The following ZNF703 variants were observed in gnomAD, a reference collection of about 807,000 sequenced individuals.
The protein encoded by ZNF703 is NocA-like zinc finger 1.
Under a neutral mutation model 30.7 loss-of-function variants are expected in ZNF703, and 18 were observed. The ratio of observed to expected loss-of-function variants is 0.59; its 90% CI spans 0.40 to 0.87. The LOEUF is 0.87. ZNF703 is among the 40% of genes least tolerant of loss of function. The probability of loss-of-function intolerance (pLI) is 0.00; values close to 1 mark genes in which losing one functional copy is unlikely to be tolerated. For synonymous variants in ZNF703, 457 were observed against 438.6 expected, an observed-to-expected ratio of 1.04 and a Z score of -0.52; for missense variants, 814 against 847.8, an observed-to-expected ratio of 0.96 and a Z score of 0.50.
rs1018199608 is a variant in ZNF703, at chr8:37,698,200, C to A, written c.1299C>A (p.Ala433=). The part of the protein sequence containing the change: ...LQPAALSSSA[A]QAALPGHPLY... ...CCGCCGCGCTCTCGTCCAGCGCCGCCCAGGCCGCGCTCCCCGGCCACCCGC... is the reference window on the plus strand; with the variant it reads ...CCGCCGCGCTCTCGTCCAGCGCCGCACAGGCCGCGCTCCCCGGCCACCCGC... The change falls in exon 2 of 2, where the codon GCC becomes GCA. Residue 433 remains alanine (A), a synonymous_variant. Coordinates refer to ENST00000331569, the MANE Select transcript of ZNF703 (RefSeq NM_025069.3). The A allele has an allele frequency of 3.0e-5, 45 of 1,515,382 alleles. No individual in the cohort carries two copies. Among genetic ancestry groups the A allele is most frequent in the Non-Finnish European group, 3.7e-5 (42 of 1,138,484 alleles). The allele number at this position is 1,515,382 out of a possible 1,614,324, so 93.9% of individuals were successfully genotyped here.
rs1319945308 is a variant in ZNF703, at chr8:37,695,883, C to A, written c.-97C>A. On this transcript the variant is annotated 5_prime_UTR_variant, in exon 1 of 2. Transcript: ENST00000331569. ...AGGAGGCGCAGCTCCCGCTGCACCG[C>A]GATCGACGCTGCGGAGCGAGCCCAC... The A allele has an allele frequency of 1.7e-6, 2 of 1,188,180 alleles. No homozygotes were observed. The highest frequency in any genetic ancestry group is 3.3e-5 in the African/African-American group (2 of 61,210). 73.6% of individuals were successfully genotyped at this position (1,188,180 alleles called of 1,614,324 possible).
rs1802091876 is a variant in ZNF703, at chr8:37,697,509, C to T, written c.608C>T (p.Pro203Leu). 2.6e-6 allele frequency: 4 copies of T among 1,523,818 alleles called. No homozygotes were observed. The highest frequency in any genetic ancestry group is 3.5e-6 in the Non-Finnish European group (4 of 1,141,216). The allele number at this position is 1,523,818 out of a possible 1,614,324, so 94.4% of individuals were successfully genotyped here. The change falls in exon 2 of 2, where the codon CCC becomes CTC. Residue 203 changes from proline to leucine, a missense_variant. Coordinates refer to ENST00000331569, the MANE Select transcript of ZNF703 (RefSeq NM_025069.3). ...RVPSAACPPF[P>L]PHGAPVSASS... is the part of the protein sequence containing the mutation. ...CCCAGCGCCGCCTGCCCGCCCTTTCCCCCGCATGGAGCGCCGGTCTCCGCA... is the reference window on the plus strand; with the variant it reads ...CCCAGCGCCGCCTGCCCGCCCTTTCTCCCGCATGGAGCGCCGGTCTCCGCA...
At position 37,697,585 on chromosome 8, in the gene ZNF703, C is replaced by T. The variant is rs1370916858; in HGVS notation, c.684C>T (p.His228=). 6 of 1,442,968 alleles carry T rather than the reference C, an allele frequency of 4.2e-6. No individual in the cohort carries two copies. Among genetic ancestry groups the T allele is most frequent in the Non-Finnish European group, 5.4e-6 (6 of 1,104,484 alleles). The allele number at this position is 1,442,968 out of a possible 1,614,324, so 89.4% of individuals were successfully genotyped here. ...PGGSRGGSPH[H]SDCKNGGGVG... ...GCTCCCGCGGCGGCTCCCCGCACCA[C>T]TCTGACTGCAAGAACGGCGGCGGGG... The change falls in exon 2 of 2, where the codon CAC becomes CAT. Residue 228 remains histidine (H), a synonymous_variant. Coordinates refer to ENST00000331569, the MANE Select transcript of ZNF703 (RefSeq NM_025069.3).
rs540084351 is a variant in ZNF703 at position 37,698,244 on chromosome 8, T to C, written c.1343T>C (p.Met448Thr). Residue 448 changes from methionine (M) to threonine (T), a missense_variant, in exon 2 of 2, where the codon ATG (methionine) becomes ACG (threonine). By Grantham distance (81) the Met-to-Thr change is moderately conservative. Transcript: ENST00000331569. ...CACCCGCTCTACACCTACGGCTTCA[T>C]GCTGCAGAACGAACCGCTGCCGCAC... ...PGHPLYTYGF[M>T]LQNEPLPHSC... The C allele has an allele frequency of 3.1e-4, 480 of 1,538,938 alleles. 1 individual carries two copies. Among genetic ancestry groups the C allele is most frequent in the Admixed American group, 5.2e-4 (27 of 51,502 alleles).
Position 37,695,953 on chromosome 8 carries a change from C to G in ZNF703, c.-27C>G. The G allele has an allele frequency of 6.8e-7, 1 of 1,462,846 alleles. No individual in the cohort carries two copies. The highest frequency in any genetic ancestry group is 9.0e-7 in the Non-Finnish European group (1 of 1,105,096). The allele number at this position is 1,462,846 out of a possible 1,614,324, so 90.6% of individuals were successfully genotyped here. A position where few individuals can be genotyped will look rare whatever the true frequency, so the allele number is the denominator to read the frequency against. On this transcript the variant is annotated 5_prime_UTR_variant, in exon 1 of 2. Transcript: ENST00000331569. ...CCCCGGTGCTCCCCCGCCCTCCCCG[C>G]CCCCCCAGCGGCGCTGCCTCCTCCA...
At position 37,697,543 on chromosome 8, in the gene ZNF703, C is replaced by A; in HGVS notation, c.642C>A (p.Ser214=). The A allele has an allele frequency of 6.7e-7, 1 of 1,482,238 alleles. No homozygotes were observed. Among genetic ancestry groups the A allele is most frequent in the Non-Finnish European group, 8.9e-7 (1 of 1,121,704 alleles). 91.8% of individuals were successfully genotyped at this position (1,482,238 alleles called of 1,614,324 possible). A position where few individuals can be genotyped will look rare whatever the true frequency, so the allele number is the denominator to read the frequency against. Residue 214 remains serine, a synonymous_variant, in exon 2 of 2, where the codon TCC becomes TCA. Transcript: ENST00000331569. ...GAGCGCCGGTCTCCGCATCCTCGTC[C>A]TCGTCGTCGCCCGGCGGCTCCCGCG... ...PHGAPVSASS[S]SSSPGGSRGG...
Position 37,698,089 on chromosome 8 carries a change from C to T in ZNF703, c.1188C>T (p.Cys396=). The change falls in exon 2 of 2, where the codon TGC becomes TGT. Residue 396 remains cysteine, a synonymous_variant. Coordinates refer to ENST00000331569, the MANE Select transcript of ZNF703 (RefSeq NM_025069.3). ...HGASHLGGSS[C]STCSAHDPAG... is the part of the protein sequence containing the mutation. Reference sequence around the variant, plus strand: ...CCTCGCACCTCGGCGGCTCCAGCTGCTCCACCTGCAGCGCGCACGACCCTG... The same window carrying T: ...CCTCGCACCTCGGCGGCTCCAGCTGTTCCACCTGCAGCGCGCACGACCCTG... 6.5e-7 allele frequency: 1 copy of T among 1,539,272 alleles called. No homozygotes were observed. Among genetic ancestry groups the T allele is most frequent in the Non-Finnish European group, 8.7e-7 (1 of 1,149,268 alleles).
Position 37,697,515 on chromosome 8 carries a change from A to T in ZNF703, c.614A>T (p.His205Leu). The T allele has an allele frequency of 2.6e-6, 4 of 1,520,922 alleles. No homozygotes were observed. Among genetic ancestry groups the T allele is most frequent in the Non-Finnish European group, 3.5e-6 (4 of 1,139,734 alleles). 94.2% of individuals were successfully genotyped at this position (1,520,922 alleles called of 1,614,324 possible). A position where few individuals can be genotyped will look rare whatever the true frequency, so the allele number is the denominator to read the frequency against. ...GCCGCCTGCCCGCCCTTTCCCCCGC[A>T]TGGAGCGCCGGTCTCCGCATCCTCG... is the stretch of plus-strand genomic sequence containing the variant. ...PSAACPPFPP[H>L]GAPVSASSSS... Residue 205 changes from histidine to leucine, a missense_variant, in exon 2 of 2, where the codon CAT (histidine) becomes CTT (leucine). His to Leu is a moderately conservative substitution (Grantham distance 99, BLOSUM62 -3). Transcript: ENST00000331569.
chr8:37,698,463 C>G lies in ZNF703; in HGVS notation c.1562C>G (p.Pro521Arg). Residue 521 changes from proline to arginine, a missense_variant, in exon 2 of 2, where the codon CCC becomes CGC. Coordinates refer to ENST00000331569, the MANE Select transcript of ZNF703 (RefSeq NM_025069.3). ...AAAASCHLHL[P>R]PPAAPGSPGS... is the part of the protein sequence containing the mutation. ...GCCGCCTCCTGCCATCTGCACCTCC[C>G]CCCGCCCGCCGCCCCCGGCAGCCCC... is the stretch of plus-strand genomic sequence containing the variant. 6.7e-7 allele frequency: 1 copy of G among 1,497,320 alleles called. No homozygotes were observed. Among genetic ancestry groups the G allele is most frequent in the East Asian group, 2.9e-5 (1 of 34,768 alleles). 92.8% of individuals were successfully genotyped at this position (1,497,320 alleles called of 1,614,324 possible).
Position 37,697,876 on chromosome 8 carries a change from C to T in ZNF703, c.975C>T (p.Gly325=), listed in dbSNP as rs1345781612. ...YHGSIVGAYA[G]YPSQFVPGLD... ...GCTCCATCGTGGGCGCCTACGCCGGCTACCCGTCTCAGTTCGTGCCTGGCC... is the reference window on the plus strand; with the variant it reads ...GCTCCATCGTGGGCGCCTACGCCGGTTACCCGTCTCAGTTCGTGCCTGGCC... The change falls in exon 2 of 2, where the codon GGC becomes GGT. Residue 325 remains glycine (G), a synonymous_variant. Transcript: ENST00000331569. The T allele has an allele frequency of 7.1e-6, 11 of 1,551,010 alleles. No homozygotes were observed. Among genetic ancestry groups the T allele is most frequent in the Middle Eastern group, 3.3e-4 (2 of 5,998 alleles).
rs1802136987 is a variant in ZNF703, at chr8:37,699,641, A to G, written c.*967A>G. 6.6e-6 allele frequency: 1 copy of G among 152,322 alleles called. No individual in the cohort carries two copies. Among genetic ancestry groups the G allele is most frequent in the South Asian group, 2.1e-4 (1 of 4,836 alleles). The allele number at this position is 152,322 out of a possible 1,614,324, so 9.4% of individuals were successfully genotyped here. On this transcript the variant is annotated 3_prime_UTR_variant, in exon 2 of 2. Coordinates refer to ENST00000331569, the MANE Select transcript of ZNF703 (RefSeq NM_025069.3). ...CGGCCCCTTACATTTTGCGAAGTGC[A>G]TTATAGTCCTTGTTTTTCTCTCCCT...
Position 37,696,037 on chromosome 8 carries a change from A to G in ZNF703, c.58A>G (p.Ser20Gly), listed in dbSNP as rs1563298371. Residue 20 changes from serine (S) to glycine (G), a missense_variant, in exon 1 of 2, where the codon AGC becomes GGC. Physicochemically the swap from Ser to Gly is moderately conservative, Grantham distance 56 (BLOSUM62 0). Coordinates refer to ENST00000331569, the MANE Select transcript of ZNF703 (RefSeq NM_025069.3). The surrounding 1 kb of genome is among the most constrained non-coding windows in gnomAD (Gnocchi z 8.2). Reference protein sequence around the residue: ...PRTPESSGSGSGGGGKRPAVP... With the variant: ...PRTPESSGSGGGGGGKRPAVP... ...GACACCCGAAAGCAGCGGCAGCGGC[A>G]GCGGCGGCGGCGGGAAGAGGCCGGC... 21 of 1,545,718 alleles carry G rather than the reference A, an allele frequency of 1.4e-5. 1 individual carries two copies. In the Middle Eastern group the frequency reaches 2.0e-3, roughly 149 times the overall value.
rs1229455234 is a variant in ZNF703 at position 37,697,940 on chromosome 8, T to C, written c.1039T>C (p.Ser347Pro). Residue 347 changes from serine to proline, a missense_variant, in exon 2 of 2, where the codon TCT (serine) becomes CCT (proline). By Grantham distance (74) the Ser-to-Pro change is moderately conservative. Transcript: ENST00000331569. ...SKSGLVGGQL[S>P]GGLGLPPGKP... is the part of the protein sequence containing the mutation. ...GTCCGGCCTCGTGGGAGGCCAGCTG[T>C]CTGGGGGCCTGGGCCTGCCGCCGGG... The C allele has an allele frequency of 1.9e-6, 3 of 1,555,026 alleles. No individual in the cohort carries two copies. The African/African-American group carries it at 4.1e-5, about 21-fold the overall frequency.
rs1248427153 is a variant in ZNF703 at position 37,696,382 on chromosome 8, C to A, written c.243+160C>A. ...GGGAAGAAAACCGAGGGATCAGAGC[C>A]CACCAGGGCTTCCCCAGGCTTCCCC... On this transcript the variant is annotated intron_variant, in intron 1 of 1. Coordinates refer to ENST00000331569, the MANE Select transcript of ZNF703 (RefSeq NM_025069.3). This position sits in a 1 kb window ranked among gnomAD's most constrained non-coding sequence, Gnocchi z 8.2. Among the ~76,000 whole-genome samples, 4 of 152,016 alleles carry A rather than the reference C, an allele frequency of 2.6e-5. No homozygotes were observed. The highest frequency in any genetic ancestry group is 5.9e-5 in the Non-Finnish European group (4 of 67,968).
chr8:37,696,203 C>T lies in ZNF703; in HGVS notation c.224C>T (p.Thr75Ile), dbSNP rs1585875186. 1 of 1,610,570 alleles carries T rather than the reference C, an allele frequency of 6.2e-7. No homozygotes were observed. The highest frequency in any genetic ancestry group is 8.5e-7 in the Non-Finnish European group (1 of 1,178,882). Residue 75 changes from threonine (T) to isoleucine (I), a missense_variant, in exon 1 of 2, where the codon ACT becomes ATT. Physicochemically the swap from Thr to Ile is moderately conservative, Grantham distance 89. Coordinates refer to ENST00000331569, the MANE Select transcript of ZNF703 (RefSeq NM_025069.3). The surrounding 1 kb of genome is among the most constrained non-coding windows in gnomAD (Gnocchi z 8.2). ...GAGTACCTGCAGCCGCTGTCCTCCA[C>T]TCCCGTCAGCCCCATTGAGGTCAGT... ...HPEYLQPLSS[T>I]PVSPIELDAK...
In ZNF703 at chr8:37,696,288, C is replaced by G; in HGVS notation, c.243+66C>G. 1 of 1,489,438 alleles carries G rather than the reference C, an allele frequency of 6.7e-7. No homozygotes were observed. 92.3% of individuals were successfully genotyped at this position (1,489,438 alleles called of 1,614,324 possible). On this transcript the variant is annotated intron_variant, in intron 1 of 1. Coordinates refer to ENST00000331569, the MANE Select transcript of ZNF703 (RefSeq NM_025069.3). This position sits in a 1 kb window ranked among gnomAD's most constrained non-coding sequence, Gnocchi z 8.2. ...CTCCCACCGCGACCGGGACCCTGAC[C>G]CAGCTCCCAGCGCCCCGGGGCTCGG...
chr8:37,697,300 C>T lies in ZNF703; in HGVS notation c.399C>T (p.Ala133=), dbSNP rs750706885. Residue 133 remains alanine (A), a synonymous_variant, in exon 2 of 2, where the codon GCC becomes GCT. Coordinates refer to ENST00000331569, the MANE Select transcript of ZNF703 (RefSeq NM_025069.3). The part of the protein sequence containing the change: ...EKDPGRSAPG[A]ASAAAALKQL... The stretch of plus-strand genomic sequence containing the variant: ...ACCCCGGCCGCTCAGCCCCGGGCGC[C>T]GCCTCCGCAGCCGCGGCCCTGAAGC... The T allele has an allele frequency of 1.9e-6, 3 of 1,565,726 alleles. No homozygotes were observed. The highest frequency in any genetic ancestry group is 1.7e-4 in the Middle Eastern group (1 of 5,834).
Position 37,695,927 on chromosome 8 carries a change from T to C in ZNF703, c.-53T>C. 2 of 1,138,096 alleles carry C rather than the reference T, an allele frequency of 1.8e-6. No individual in the cohort carries two copies. The highest frequency in any genetic ancestry group is 1.7e-5 in the African/African-American group (1 of 57,478). 70.5% of individuals were successfully genotyped at this position (1,138,096 alleles called of 1,614,324 possible). A position where few individuals can be genotyped will look rare whatever the true frequency, so the allele number is the denominator to read the frequency against. The stretch of plus-strand genomic sequence containing the variant: ...AGCCCACCCGCCCCGGGAGCTCGCC[T>C]CCCCGGTGCTCCCCCGCCCTCCCCG... On this transcript the variant is annotated 5_prime_UTR_variant, in exon 1 of 2. Coordinates refer to ENST00000331569, the MANE Select transcript of ZNF703 (RefSeq NM_025069.3).
rs908318951 is a variant in ZNF703 at position 37,699,737 on chromosome 8, A to C, written c.*1063A>C. 1.3e-5 allele frequency: 2 copies of C among 152,326 alleles called. No individual in the cohort carries two copies. Among genetic ancestry groups the C allele is most frequent in the Admixed American group, 1.3e-4 (2 of 15,288 alleles). The allele number at this position is 152,326 out of a possible 1,614,324, so 9.4% of individuals were successfully genotyped here. ...GACTCTCGCTAGATCCCTCCAAAGCAGACCGGTGGCGATGTCAGCGGATGT... is the reference window on the plus strand; with the variant it reads ...GACTCTCGCTAGATCCCTCCAAAGCCGACCGGTGGCGATGTCAGCGGATGT... On this transcript the variant is annotated 3_prime_UTR_variant, in exon 2 of 2. Coordinates refer to ENST00000331569, the MANE Select transcript of ZNF703 (RefSeq NM_025069.3).
Sources: gnomAD v4.1 joint callset for allele counts (sites outside exome capture counted in the v4.1 genomes callset) on GRCh38, gnomAD v4.1.1 for gene constraint, Gnocchi (gnomAD v3.1) non-coding constraint, MANE v1.5 for transcripts, NCBI Gene and HGNC (gene_info 2026-07-23, HGNC 2026-07-21) for gene names.